DOK6: variants seen among roughly 807,000 people sequenced by gnomAD.
The protein encoded by DOK6 is docking protein 6.
In DOK6, 22 loss-of-function variants were observed where a neutral mutation model predicts 44.0. The ratio of observed to expected loss-of-function variants is 0.50; its 90% CI spans 0.36 to 0.71. The LOEUF is 0.71. Ranked by LOEUF, DOK6 falls within the 30% of genes least tolerant of loss-of-function variation. The pLI, the probability that DOK6 is intolerant of heterozygous loss-of-function variation, is 0.00. For synonymous variants in DOK6, 166 were observed against 145.5 expected (o/e 1.14, Z -1.01); for missense variants, 340 against 416.4 (o/e 0.82, Z 1.60).
chr18:69,611,680 G>A (rs1984143620), intron 3 of DOK6, among the ~76,000 whole-genome samples: 1 of 152,144 alleles, frequency 6.6e-6, no homozygotes, highest in Non-Finnish European at 1.5e-5. Context: ...CAGCCTGGAT[G>A]AATCTTGAAG....
chr18:69,493,619 A>AT (rs1209084277), intron 1 of DOK6, among the ~76,000 whole-genome samples: 5 of 152,172 alleles, frequency 3.3e-5, no homozygotes, highest in African/African-American at 1.2e-4. Context: ...AATAATTATC[A>AT]TTTTTTTCAA....
intron 5 of DOK6, among the ~76,000 whole-genome samples, chr18:69,699,807 AT>A (rs1036076482): frequency 6.6e-6 from 1 of 152,096 alleles, no homozygotes; most frequent in South Asian, 2.1e-4. Flanking sequence ...GATGCACCTT[AT>A]TTTTTTACTG....
chr18:69,419,857 T>G (rs912153001), intron 1 of DOK6, among the ~76,000 whole-genome samples: 1 of 152,150 alleles, frequency 6.6e-6, no homozygotes, highest in Non-Finnish European at 1.5e-5. Flanking sequence ...CCATTATGGT[T>G]TTGATTGATA....
chr18:69,773,256 G>A (rs768354662), intron 7 of DOK6, among the ~76,000 whole-genome samples: 3 of 151,878 alleles, frequency 2.0e-5, no homozygotes, highest in Admixed American at 6.6e-5. Context: ...ATGCAAAATG[G>A]TACAGCTGCC....
chr18:69,817,349 C>G (rs1476670990), intron 7 of DOK6, among the ~76,000 whole-genome samples: 2 of 151,842 alleles, frequency 1.3e-5, no homozygotes, highest in Non-Finnish European at 2.9e-5. Context: ...GTTATTTGAC[C>G]CTAAAAGAGG....
At chr18:69,737,975 C>T (rs1378890411) in intron 5 of DOK6, among the ~76,000 whole-genome samples, 1 of 152,184 alleles carries the variant, frequency 6.6e-6, no homozygotes, top group Non-Finnish European at 1.5e-5. Flanking sequence ...ACAAAGAAAG[C>T]TCATTTGTTT....
Position 69,599,425 on chromosome 18 carries a change from C to G in DOK6, c.216C>G (p.Pro72=). Residue 72 remains proline, a synonymous_variant, in exon 3 of 8, where the codon CCC becomes CCG. Coordinates refer to ENST00000382713, the MANE Select transcript of DOK6 (RefSeq NM_152721.6). ...ATATCAAAAATATAACCAGACTGCC[C>G]CGAGAGACAAAGAAGCATGCGGTGG... ...LHNIKNITRL[P]RETKKHAVAI... 1 of 1,613,818 alleles carries G rather than the reference C, an allele frequency of 6.2e-7. No individual in the cohort carries two copies. Among genetic ancestry groups the G allele is most frequent in the Non-Finnish European group, 8.5e-7 (1 of 1,179,908 alleles).
At chr18:69,619,791 A>T (rs1284046974) in intron 3 of DOK6, among the ~76,000 whole-genome samples, 1 of 152,174 alleles carries the variant, frequency 6.6e-6, no homozygotes. Flanking sequence ...GTGCACCATA[A>T]ACTTATCGTG....
chr18:69,690,385 A>C (rs936751160), intron 4 of DOK6, among the ~76,000 whole-genome samples: 5 of 152,302 alleles, frequency 3.3e-5, no homozygotes, highest in South Asian at 4.1e-4. Context: ...ACAAATTTTG[A>C]CAAGCATAAA....
chr18:69,621,001 A>G (rs1024719771), intron 3 of DOK6, among the ~76,000 whole-genome samples: 8 of 152,212 alleles, frequency 5.3e-5, no homozygotes, highest in African/African-American at 1.4e-4. Flanking sequence ...TCACTCAGGC[A>G]TTCTACATCT....
At chr18:69,534,327 G>A (rs1039257027) in intron 1 of DOK6, among the ~76,000 whole-genome samples, 1 of 152,094 alleles carries the variant, frequency 6.6e-6, no homozygotes, top group African/African-American at 2.4e-5. Context: ...ATGCATGAAA[G>A]TGATAATTGA....
intron 1 of DOK6, among the ~76,000 whole-genome samples, chr18:69,490,677 T>A (rs1426223576): frequency 2.6e-5 from 4 of 152,208 alleles, no homozygotes; most frequent in Non-Finnish European, 5.9e-5. Context: ...TTGAATTACC[T>A]CCATTATGTG....
intron 1 of DOK6, among the ~76,000 whole-genome samples, chr18:69,411,083 G>A (rs1407520809): frequency 1.3e-5 from 2 of 152,082 alleles, no homozygotes; most frequent in Admixed American, 6.6e-5. Flanking sequence ...CATACCTCTC[G>A]AGTTCATGCA....
intron 1 of DOK6, among the ~76,000 whole-genome samples, chr18:69,417,174 A>G (rs1978362911): frequency 6.6e-6 from 1 of 152,028 alleles, no homozygotes; most frequent in Non-Finnish European, 1.5e-5. Flanking sequence ...ACTAGATCTT[A>G]TCCTTCTATC....
At chr18:69,534,450 T>C (rs1342530771) in intron 1 of DOK6, among the ~76,000 whole-genome samples, 1 of 152,188 alleles carries the variant, frequency 6.6e-6, no homozygotes, top group Non-Finnish European at 1.5e-5. Context: ...TAAGAATTCC[T>C]TCTCAAGCCC....
chr18:69,816,233 C>T (rs1267180466), intron 7 of DOK6, among the ~76,000 whole-genome samples: 4 of 152,308 alleles, frequency 2.6e-5, no homozygotes, highest in African/African-American at 4.8e-5. Context: ...GAAAGGCCTA[C>T]GGCATTGCCA....
chr18:69,659,625 A>T (rs2144670392), intron 3 of DOK6, among the ~76,000 whole-genome samples: 1 of 152,194 alleles, frequency 6.6e-6, no homozygotes, highest in East Asian at 1.9e-4. Flanking sequence ...CAGGATGGAG[A>T]GAAGACACAC....
chr18:69,692,212 G>A (rs1986284085), intron 4 of DOK6, among the ~76,000 whole-genome samples: 1 of 152,094 alleles, frequency 6.6e-6, no homozygotes, highest in Non-Finnish European at 1.5e-5. Flanking sequence ...GAAAGAAGAG[G>A]AGAAACTTCC....
At chr18:69,790,372 G>C (rs1184598274) in intron 7 of DOK6, among the ~76,000 whole-genome samples, 1 of 152,058 alleles carries the variant, frequency 6.6e-6, no homozygotes, top group African/African-American at 2.4e-5. Flanking sequence ...CATGGCACGT[G>C]TATACCTTTG....
Sources: allele counts gnomAD v4.1 joint callset (sites outside exome capture counted in the v4.1 genomes callset), GRCh38; gene constraint gnomAD v4.1.1; transcripts MANE v1.5; gene names NCBI Gene and HGNC (gene_info 2026-07-23, HGNC 2026-07-21).